VWA5A: variants seen among roughly 807,000 people sequenced by gnomAD.
VWA5A encodes the protein von Willebrand factor A domain-containing protein 5A.
Under a neutral mutation model 84.6 loss-of-function variants are expected in VWA5A, and 77 were observed. The observed-to-expected ratio is 0.91, with a 90% CI of 0.76 to 1.10. The LOEUF (loss-of-function observed/expected upper bound fraction) is 1.10, where lower values mean the gene tolerates loss of function less well. Ranked by LOEUF, VWA5A falls within the 50% of genes least tolerant of loss-of-function variation. The pLI, the probability that VWA5A is intolerant of heterozygous loss-of-function variation, is 0.00. For synonymous variants in VWA5A, 334 were observed against 350.1 expected (o/e 0.95, Z 0.51); for missense variants, 973 against 963.0 (o/e 1.01, Z -0.14).
In VWA5A at chr11:124,118,774, A is replaced by C. The variant is rs73607012; in HGVS notation, c.645+66A>C. ...TGCTTGAGTCTTGACTTGGTCCCCA[A>C]CCAGTTCTTCCCAAGTGGTAACCCA... On this transcript the variant is annotated intron_variant, in intron 6 of 18. Coordinates refer to ENST00000456829, the MANE Select transcript of VWA5A (RefSeq NM_001130142.2). The C allele has an allele frequency of 1.0e-2, 15,457 of 1,548,882 alleles. 1,274 individuals carry two copies. In the African/African-American group the frequency reaches 0.18, roughly 18 times the overall value.
intron 15 of VWA5A, among the ~76,000 whole-genome samples, chr11:124,138,814 C>G (rs1348230088): frequency 6.6e-6 from 1 of 152,068 alleles, no homozygotes; most frequent in Non-Finnish European, 1.5e-5. Context: ...GCTTTTGTAG[C>G]CTGTGCTTGT....
At chr11:124,131,787 CT>C (rs1203075731) in intron 11 of VWA5A, among the ~76,000 whole-genome samples, 6 of 151,220 alleles carry the variant, frequency 4.0e-5, no homozygotes, top group Admixed American at 1.3e-4. Flanking sequence ...AAAATTTTCT[CT>C]TTTTCTTATT....
Position 124,147,214 on chromosome 11 carries a change from T to C in VWA5A, c.*1269T>C, listed in dbSNP as rs891629157. On this transcript the variant is annotated 3_prime_UTR_variant, in exon 19 of 19. Transcript: ENST00000456829. ...TCTTCTGTTGTAGGCTGACTTCTTT[T>C]ATATGAAGCAAGTAAAGGATACTAA... 6 of 152,514 alleles carry C rather than the reference T, an allele frequency of 3.9e-5. No homozygotes were observed. Among genetic ancestry groups the C allele is most frequent in the African/African-American group, 1.4e-4 (6 of 41,448 alleles). 9.4% of individuals were successfully genotyped at this position (152,514 alleles called of 1,614,324 possible). A position where few individuals can be genotyped will look rare whatever the true frequency, so the allele number is the denominator to read the frequency against.
intron 7 of VWA5A, among the ~76,000 whole-genome samples, chr11:124,120,668 A>G (rs1864917449): frequency 6.6e-6 from 1 of 152,138 alleles, no homozygotes; most frequent in Non-Finnish European, 1.5e-5. Context: ...ATTTGCTGTA[A>G]CCATCTCCTC....
At chr11:124,117,925 T>C in intron 4 of VWA5A, 50 bp downstream of exon 4, 1 of 1,595,536 alleles carries the variant, frequency 6.3e-7, no homozygotes, top group Non-Finnish European at 8.6e-7. Context: ...CCTCCCTTCT[T>C]ATTTCCTTAA....
intron 11 of VWA5A, among the ~76,000 whole-genome samples, chr11:124,129,238 CAT>C (rs1320742192): frequency 4.6e-5 from 7 of 152,160 alleles, no homozygotes; most frequent in African/African-American, 1.7e-4. Flanking sequence ...TTGAGACAAT[CAT>C]GTGGGTTTTG....
At chr11:124,145,822 A>C in intron 18 of VWA5A, 44 bp from the exon 19 acceptor site, 1 of 1,543,422 alleles carries the variant, frequency 6.5e-7, no homozygotes, top group Admixed American at 1.9e-5. Flanking sequence ...AGGAGCCTCT[A>C]ATTGCAATCC....
rs543854870 is a variant in VWA5A at position 124,135,994 on chromosome 11, A to G, written c.1360-135A>G. The G allele has an allele frequency of 8.7e-6, 8 of 924,250 alleles. No individual in the cohort carries two copies. In the East Asian group the frequency reaches 2.0e-4, roughly 23 times the overall value. 57.3% of individuals were successfully genotyped at this position (924,250 alleles called of 1,614,324 possible). A position where few individuals can be genotyped will look rare whatever the true frequency, so the allele number is the denominator to read the frequency against. ...CAAAGCTTCTTCATATATAAAGCCC[A>G]TCTCCTAGAATAGTATTGAGGAGTA... On this transcript the variant is annotated intron_variant, in intron 12 of 18. Coordinates refer to ENST00000456829, the MANE Select transcript of VWA5A (RefSeq NM_001130142.2).
At chr11:124,123,842 G>A (rs760297718) in intron 10 of VWA5A, 38 bp downstream of exon 10, 1 of 1,528,130 alleles carries the variant, frequency 6.5e-7, no homozygotes, top group Non-Finnish European at 8.7e-7. Flanking sequence ...GAGACAGGAA[G>A]TGTGAAATCT....
intron 17 of VWA5A, among the ~76,000 whole-genome samples, chr11:124,144,168 G>A (rs1860776808): frequency 6.6e-6 from 1 of 151,770 alleles, no homozygotes; most frequent in East Asian, 1.9e-4. Context: ...TGAACAATGA[G>A]TTGCAACTTT....
At position 124,124,357 on chromosome 11, in the gene VWA5A, A is replaced by G. The variant is rs770250655; in HGVS notation, c.1244+41A>G. 6.2e-6 allele frequency: 10 copies of G among 1,605,788 alleles called. No individual in the cohort carries two copies. The East Asian group carries it at 1.6e-4, about 25-fold the overall frequency. On this transcript the variant is annotated intron_variant, in intron 11 of 18. Transcript: ENST00000456829. ...GATTTCCGGGTGATTGGTGCTGAGT[A>G]GTGACACACAGACTCTAGTGCTACA...
intron 11 of VWA5A, chr11:124,124,543 G>A (rs971926170): frequency 1.0e-5 from 13 of 1,269,028 alleles, no homozygotes; most frequent in Non-Finnish European, 1.3e-5. Context: ...AAACTACAAC[G>A]AACACAAGAA....
intron 11 of VWA5A, among the ~76,000 whole-genome samples, chr11:124,129,060 G>A (rs139084960): frequency 0.12 from 17,591 of 152,162 alleles, 1,341 homozygotes; most frequent in East Asian, 0.28. Context: ...TCTTGTGCCC[G>A]TTTTCAAAGG....
At chr11:124,143,213 C>T (rs1159326281) in intron 17 of VWA5A, among the ~76,000 whole-genome samples, 2 of 152,156 alleles carry the variant, frequency 1.3e-5, no homozygotes, top group African/African-American at 2.4e-5. Context: ...CTAGTTGTTT[C>T]AGATGTATTT....
chr11:124,129,465 T>TA (rs1317218852), intron 11 of VWA5A, among the ~76,000 whole-genome samples: 2 of 152,122 alleles, frequency 1.3e-5, no homozygotes, highest in Admixed American at 6.6e-5. Context: ...CTCAGCCAGG[T>TA]TTTGGTATTA....
intron 11 of VWA5A, among the ~76,000 whole-genome samples, chr11:124,128,998 C>T (rs187072452): frequency 3.3e-5 from 5 of 152,296 alleles, no homozygotes; most frequent in Admixed American, 1.3e-4. Flanking sequence ...ATTGCCCTGG[C>T]CAGAACTTCC....
intron 15 of VWA5A, among the ~76,000 whole-genome samples, chr11:124,139,130 A>G (rs150825974): frequency 0.018 from 2,673 of 151,646 alleles, 44 homozygotes; most frequent in Non-Finnish European, 0.028. Flanking sequence ...TGCATTGGTC[A>G]GTGTCTGTTT....
At position 124,146,233 on chromosome 11, in the gene VWA5A, G is replaced by A. The variant is rs772378265; in HGVS notation, c.*288G>A. ...GTAATGTTCCTCCCAGGGTTTCCAGGGAAACAACATGAAAAACAGGTGACA... is the reference window on the plus strand; with the variant it reads ...GTAATGTTCCTCCCAGGGTTTCCAGAGAAACAACATGAAAAACAGGTGACA... On this transcript the variant is annotated 3_prime_UTR_variant, in exon 19 of 19. Coordinates refer to ENST00000456829, the MANE Select transcript of VWA5A (RefSeq NM_001130142.2). 12 of 268,832 alleles carry A rather than the reference G, an allele frequency of 4.5e-5. No individual in the cohort carries two copies. Among genetic ancestry groups the A allele is most frequent in the South Asian group, 5.8e-5 (1 of 17,268 alleles). The allele number at this position is 268,832 out of a possible 1,614,324, so 16.7% of individuals were successfully genotyped here. A position where few individuals can be genotyped will look rare whatever the true frequency, so the allele number is the denominator to read the frequency against.
chr11:124,130,284 G>A (rs369350883), intron 11 of VWA5A, among the ~76,000 whole-genome samples: 1 of 152,108 alleles, frequency 6.6e-6, no homozygotes, highest in Non-Finnish European at 1.5e-5. Context: ...GTAGTTGTGC[G>A]GTTTTGAATG....
Sources: allele counts gnomAD v4.1 joint callset (sites outside exome capture counted in the v4.1 genomes callset), GRCh38; gene constraint gnomAD v4.1.1; transcripts MANE v1.5; gene names NCBI Gene and HGNC (gene_info 2026-07-23, HGNC 2026-07-21).